Variants in MRAP observed in about 807,000 individuals in gnomAD.
The protein encoded by MRAP is melanocortin-2 receptor accessory protein.
Under a neutral mutation model 8.7 loss-of-function variants are expected in MRAP, and 8 were observed. The ratio of observed to expected loss-of-function variants is 0.92; its 90% confidence interval spans 0.54 to 1.66. The LOEUF is 1.66. MRAP is among the 40% of genes most tolerant of loss of function. The probability of loss-of-function intolerance (pLI) is 0.00; values close to 1 mark genes in which losing one functional copy is unlikely to be tolerated. For synonymous variants in MRAP, 95 were observed against 95.5 expected (o/e 1.00, Z 0.03); for missense variants, 237 against 217.1 (o/e 1.09, Z -0.58).
chr21:32,300,850 A>G (rs2032273260), intron 1 of MRAP, among the ~76,000 whole-genome samples: 1 of 149,204 alleles, frequency 6.7e-6, no homozygotes, highest in Admixed American at 6.7e-5. Flanking sequence ...CATGCGCCCT[A>G]TGTCAGGGGC....
chr21:32,300,548 G>T (rs969771002), intron 1 of MRAP, among the ~76,000 whole-genome samples: 1 of 148,214 alleles, frequency 6.7e-6, no homozygotes, highest in African/African-American at 2.5e-5. Flanking sequence ...GATGCGTCAC[G>T]TGTCCTATGT....
At chr21:32,314,151 T>C (rs1221950216), downstream of MRAP, 1 of 190,614 alleles carries the variant, frequency 5.2e-6, no homozygotes, top group Non-Finnish European at 1.1e-5. Context: ...GTCATACTAA[T>C]ACTTTGTTAT....
intron 1 of MRAP, among the ~76,000 whole-genome samples, chr21:32,300,099 TGTCA>T (rs1207471648): frequency 1.3e-5 from 2 of 152,216 alleles, no homozygotes; most frequent in Non-Finnish European, 2.9e-5. Context: ...ACATACTGTC[TGTCA>T]AACAGTAAAT....
chr21:32,311,758 T>C lies in MRAP; in HGVS notation c.281T>C (p.Leu94Pro), dbSNP rs754268566. The change falls in exon 3 of 3, where the codon CTG (leucine) becomes CCG (proline). Residue 94 changes from leucine to proline, a missense_variant. Coordinates refer to ENST00000303645, the MANE Select transcript of MRAP (RefSeq NM_001379228.1). ...CTCCACCTCTGCATCCAGAAGTGCC[T>C]GCCGTGCCACAGGGAACCCCTGGCA... is the stretch of plus-strand genomic sequence containing the variant. ...LNLHLCIQKC[L>P]PCHREPLATS... 3.1e-6 allele frequency: 5 copies of C among 1,614,120 alleles called. No homozygotes were observed. The South Asian group carries it at 5.5e-5, about 18-fold the overall frequency.
At chr21:32,303,377 G>A (rs776247402) in intron 1 of MRAP, among the ~76,000 whole-genome samples, 1 of 152,206 alleles carries the variant, frequency 6.6e-6, no homozygotes, top group African/African-American at 2.4e-5. Flanking sequence ...AAACAGAAGT[G>A]TCTACTATAA....
chr21:32,303,135 A>G lies in MRAP; in HGVS notation c.107-3505A>G, dbSNP rs369542889. Reference sequence around the variant, plus strand: ...GCTGGGATTACAGGTATGTGCCACCATATCTGACTAATTTTATTTTGTATT... The same window carrying G: ...GCTGGGATTACAGGTATGTGCCACCGTATCTGACTAATTTTATTTTGTATT... On this transcript the variant is annotated intron_variant, in intron 1 of 2. Coordinates refer to ENST00000303645, the MANE Select transcript of MRAP (RefSeq NM_001379228.1). Among the ~76,000 whole-genome samples, 36 of 152,080 alleles carry G rather than the reference A, an allele frequency of 2.4e-4. No individual in the cohort carries two copies. The East Asian group carries it at 3.3e-3, about 14-fold the overall frequency.
intron 1 of MRAP, among the ~76,000 whole-genome samples, chr21:32,303,572 G>A (rs2032336190): frequency 6.6e-6 from 1 of 152,214 alleles, no homozygotes; most frequent in African/African-American, 2.4e-5. Flanking sequence ...AGGGAAGAGA[G>A]GAGAGAGGGA....
intron 1 of MRAP, chr21:32,306,398 A>C (rs2032417244): frequency 1.9e-6 from 1 of 534,012 alleles, no homozygotes; most frequent in Non-Finnish European, 3.4e-6. Flanking sequence ...TTTCCTCTTA[A>C]CAATCACCCT....
chr21:32,299,055 G>A lies in MRAP; in HGVS notation c.84G>A (p.Glu28=), dbSNP rs1179958411. ...ATCTGGACCTCATTCCCGTGGACGA[G>A]AAGAAGCTGAAAGCCCACAAACGTA... ...LDYLDLIPVD[E]KKLKAHKHSI... is the part of the protein sequence containing the mutation. Residue 28 remains glutamate, a synonymous_variant, in exon 1 of 3, where the codon GAG becomes GAA. Transcript: ENST00000303645. The A allele has an allele frequency of 6.2e-7, 1 of 1,614,066 alleles. No individual in the cohort carries two copies. Among genetic ancestry groups the A allele is most frequent in the Admixed American group, 1.7e-5 (1 of 60,014 alleles).
At chr21:32,292,749 C>T (rs2032071886) in intron 1 of MRAP, among the ~76,000 whole-genome samples, 1 of 151,898 alleles carries the variant, frequency 6.6e-6, no homozygotes, top group Admixed American at 6.6e-5. Flanking sequence ...ATTTGCCTCC[C>T]AAATGTTGGC....
At chr21:32,301,052 T>C (rs1569027108) in intron 1 of MRAP, among the ~76,000 whole-genome samples, 2 of 151,808 alleles carry the variant, frequency 1.3e-5, no homozygotes, top group South Asian at 2.1e-4. Context: ...TCATATGATA[T>C]ATATCATATC....
At chr21:32,305,833 G>A (rs2032402517) in intron 1 of MRAP, among the ~76,000 whole-genome samples, 1 of 151,728 alleles carries the variant, frequency 6.6e-6, no homozygotes, top group Non-Finnish European at 1.5e-5. Flanking sequence ...GTGCTAGAAA[G>A]TAGTTCCATA....
chr21:32,298,791 C>T (rs922388745), upstream of MRAP: 2 of 591,186 alleles, frequency 3.4e-6, no homozygotes, highest in African/African-American at 1.8e-5. Context: ...TGAGACACAC[C>T]CCCCTGACCT....
chr21:32,307,693 G>C (rs567269213), intron 2 of MRAP, among the ~76,000 whole-genome samples: 1 of 151,668 alleles, frequency 6.6e-6, no homozygotes, highest in African/African-American at 2.4e-5. Context: ...CCAGGGGTTC[G>C]AGACCCTATC....
upstream of MRAP, among the ~76,000 whole-genome samples, chr21:32,296,496 G>T (rs1002527508): frequency 1.3e-5 from 2 of 152,098 alleles, no homozygotes; most frequent in African/African-American, 4.8e-5. Context: ...TCACAACGGG[G>T]TTACATTGTG....
chr21:32,309,457 T>G (rs1036781022), intron 2 of MRAP, among the ~76,000 whole-genome samples: 4 of 150,204 alleles, frequency 2.7e-5, no homozygotes, highest in African/African-American at 1.0e-4. Context: ...TCATTTTTTT[T>G]TTTTTGTTTT....
chr21:32,301,894 A>C (rs1446892546), intron 1 of MRAP, among the ~76,000 whole-genome samples: 1 of 152,374 alleles, frequency 6.6e-6, no homozygotes, highest in East Asian at 1.9e-4. Context: ...TTCTCTGCAC[A>C]CAATGTAGAA....
At chr21:32,306,797 G>A in intron 2 of MRAP, 58 bp downstream of exon 2, 1 of 1,353,218 alleles carries the variant, frequency 7.4e-7, no homozygotes, top group Non-Finnish European at 1.1e-6. Context: ...GTGAGTAACA[G>A]TGCAGGTTGA....
downstream of MRAP, chr21:32,313,270 A>G (rs998574767): frequency 6.6e-6 from 1 of 152,230 alleles, no homozygotes; most frequent in Non-Finnish European, 1.5e-5. Context: ...TCCCCAGACC[A>G]ATGTCCTTCC....
Sources: gnomAD v4.1 joint callset for allele counts (sites outside exome capture counted in the v4.1 genomes callset) on GRCh38, gnomAD v4.1.1 for gene constraint, MANE v1.5 for transcripts, NCBI Gene and HGNC (gene_info 2026-07-23, HGNC 2026-07-21) for gene names.